The following RELA variants were observed in gnomAD, a reference collection of about 807,000 sequenced individuals.
RELA encodes transcription factor p65.
Under a neutral mutation model 56.7 loss-of-function variants are expected in RELA, and 14 were observed. The ratio of observed to expected loss-of-function variants is 0.25; its 90% CI spans 0.16 to 0.39. The LOEUF (loss-of-function observed/expected upper bound fraction) is 0.39, where lower values mean the gene tolerates loss of function less well. RELA is among the 10% of genes least tolerant of loss of function. The pLI is 1.00. For synonymous variants in RELA, 315 were observed against 289.7 expected (o/e 1.09, Z -0.89); for missense variants, 559 against 736.4 (o/e 0.76, Z 2.79).
intron 4 of RELA, chr11:65,660,479 C>T: frequency 1.9e-6 from 1 of 525,606 alleles, no homozygotes; most frequent in Non-Finnish European, 3.4e-6. Context: ...AAACACAGGA[C>T]ACTCATTCCC....
intron 4 of RELA, 33 bp from the exon 5 acceptor site, chr11:65,660,248 C>G (rs1337550895): frequency 1.9e-6 from 3 of 1,604,822 alleles, no homozygotes; most frequent in South Asian, 1.1e-5. Flanking sequence ...CCCACTGTCT[C>G]TCACAGAGCC....
chr11:65,663,040 C>T, upstream of RELA: 1 of 280,610 alleles, frequency 3.6e-6, no homozygotes, highest in Non-Finnish European at 6.5e-6. Context: ...AGAGGCTGCA[C>T]GCACAGCCGC....
intron 8 of RELA, 42 bp from the exon 9 acceptor site, chr11:65,655,977 G>A: frequency 6.4e-7 from 1 of 1,564,094 alleles, no homozygotes; most frequent in Non-Finnish European, 8.8e-7. Context: ...CTCTCCTCAG[G>A]TGGGTCCCCG....
At chr11:65,662,139 C>T (rs1329386288) in intron 2 of RELA, 40 bp downstream of exon 2, 1 of 1,596,208 alleles carries the variant, frequency 6.3e-7, no homozygotes, top group Non-Finnish European at 8.5e-7. Context: ...ACTGCCCTAC[C>T]CCAGGGAGCA....
chr11:65,663,449 G>A (rs1309779652), upstream of RELA, among the ~76,000 whole-genome samples: 1 of 152,106 alleles, frequency 6.6e-6, no homozygotes, highest in Non-Finnish European at 1.5e-5. Context: ...GGGAATGGGA[G>A]CGGCCGGACC....
At chr11:65,657,503 C>T (rs1190153986) in intron 8 of RELA, among the ~76,000 whole-genome samples, 1 of 152,206 alleles carries the variant, frequency 6.6e-6, no homozygotes, top group Admixed American at 6.5e-5. Context: ...TAACCAGGCC[C>T]TCCAATCTCT....
intron 6 of RELA, among the ~76,000 whole-genome samples, chr11:65,659,195 C>G (rs950733103): frequency 6.6e-6 from 1 of 152,210 alleles, no homozygotes; most frequent in African/African-American, 2.4e-5. Flanking sequence ...TCCTGACCCC[C>G]AGTTTATCCT....
intron 4 of RELA, chr11:65,660,655 T>C: frequency 5.4e-6 from 1 of 183,492 alleles, no homozygotes; most frequent in Non-Finnish European, 1.1e-5. Flanking sequence ...GTTATCCTTC[T>C]ATCCTATGAC....
Position 65,654,398 on chromosome 11 carries a change from G to T in RELA, c.1636C>A (p.Leu546Met), listed in dbSNP as rs372036028. 6.2e-7 allele frequency: 1 copy of T among 1,612,910 alleles called. No individual in the cohort carries two copies. The highest frequency in any genetic ancestry group is 8.5e-7 in the Non-Finnish European group (1 of 1,179,592). Reference sequence around the variant, plus strand: ...CCCCCTTAGGAGCTGATCTGACTCAGCAGGGCTGAGAAGTCCATGTCCGCA... The same window carrying T: ...CCCCCTTAGGAGCTGATCTGACTCATCAGGGCTGAGAAGTCCATGTCCGCA... ...SIADMDFSALLSQISS is the reference protein window; with the variant it reads ...SIADMDFSALMSQISS The change falls in exon 11 of 11, where the codon CTG (leucine) becomes ATG (methionine). Residue 546 changes from leucine to methionine, a missense_variant. Physicochemically the swap from Leu to Met is conservative, Grantham distance 15. Coordinates refer to ENST00000406246, the MANE Select transcript of RELA (RefSeq NM_021975.4).
At chr11:65,655,118 G>GCCAACAC in intron 10 of RELA, 118 bp from the exon 11 acceptor site, 1 of 802,356 alleles carries the variant, frequency 1.2e-6, no homozygotes, top group Non-Finnish European at 2.1e-6. Flanking sequence ...GGGAGTCACT[G>GCCAACAC]CCAACACCCT....
At chr11:65,656,648 CG>C (rs1183023597) in intron 8 of RELA, among the ~76,000 whole-genome samples, 1 of 152,184 alleles carries the variant, frequency 6.6e-6, no homozygotes, top group Non-Finnish European at 1.5e-5. Flanking sequence ...GGGATGTGGC[CG>C]TGAGTATGCA....
rs1436135861 is a variant in RELA at position 65,654,156 on chromosome 11, C to T, written c.*222G>A. On this transcript the variant is annotated 3_prime_UTR_variant, in exon 11 of 11. Coordinates refer to ENST00000406246, the MANE Select transcript of RELA (RefSeq NM_021975.4). ...GGGAAAAGTTTGAGTTTCCCCAGCT[C>T]CCCCCTTTCCAGAGAAGTTAATGCT... The T allele has an allele frequency of 4.6e-6, 3 of 646,966 alleles. No individual in the cohort carries two copies. The East Asian group carries it at 9.0e-5, about 19-fold the overall frequency. The allele number at this position is 646,966 out of a possible 1,614,324, so 40.1% of individuals were successfully genotyped here. A position where few individuals can be genotyped will look rare whatever the true frequency, so the allele number is the denominator to read the frequency against.
At chr11:65,661,584 G>A (rs992997908) in intron 4 of RELA, 103 bp downstream of exon 4, 2 of 1,120,700 alleles carry the variant, frequency 1.8e-6, no homozygotes. Flanking sequence ...CAAGGAGTGA[G>A]GAATTCTGCC....
At chr11:65,663,309 T>TAG (rs1258243660), upstream of RELA, among the ~76,000 whole-genome samples, 2 of 152,198 alleles carry the variant, frequency 1.3e-5, no homozygotes, top group Non-Finnish European at 2.9e-5. Flanking sequence ...CGACCGGGCC[T>TAG]TCTGCTCCGC....
chr11:65,654,367 G>A lies in RELA; in HGVS notation c.*11C>T, dbSNP rs1856360677. 25 of 1,613,824 alleles carry A rather than the reference G, an allele frequency of 1.5e-5. No homozygotes were observed. Among genetic ancestry groups the A allele is most frequent in the Non-Finnish European group, 2.0e-5 (24 of 1,179,948 alleles). On this transcript the variant is annotated 3_prime_UTR_variant, in exon 11 of 11. Coordinates refer to ENST00000406246, the MANE Select transcript of RELA (RefSeq NM_021975.4). The stretch of plus-strand genomic sequence containing the variant: ...CAACCCAGTGCTCTGGGGAGGGCAG[G>A]CGTCACCCCCTTAGGAGCTGATCTG...
chr11:65,654,797 G>A lies in RELA; in HGVS notation c.1237C>T (p.Leu413=). The change falls in exon 11 of 11, where the codon CTA becomes TTA. Residue 413 remains leucine, a synonymous_variant. Coordinates refer to ENST00000406246, the MANE Select transcript of RELA (RefSeq NM_021975.4). ...ACAGCCTGAGGAGGGCCTGGGGCTA[G>A]GACTGGGACAGGGGCTGGGGCCTGG... ...LAQAPAPVPV[L]APGPPQAVAP... is the part of the protein sequence containing the mutation. 6.6e-7 allele frequency: 1 copy of A among 1,525,234 alleles called. No homozygotes were observed. Among genetic ancestry groups the A allele is most frequent in the Non-Finnish European group, 8.8e-7 (1 of 1,133,974 alleles). The allele number at this position is 1,525,234 out of a possible 1,614,324, so 94.5% of individuals were successfully genotyped here. A position where few individuals can be genotyped will look rare whatever the true frequency, so the allele number is the denominator to read the frequency against.
In RELA at chr11:65,662,818, G is replaced by C. The variant is rs1856608613; in HGVS notation, c.7+8C>G. ...ATGCCACCCCGCGGGGTCAGAGGGC[G>C]ACCTCACCGTCCATGGCCGGGGTCC... On this transcript the variant is annotated splice_region_variant and intron_variant, in intron 1 of 10. Transcript: ENST00000406246. 1 of 1,200,244 alleles carries C rather than the reference G, an allele frequency of 8.3e-7. No homozygotes were observed. The highest frequency in any genetic ancestry group is 4.4e-5 in the Admixed American group (1 of 22,524). The allele number at this position is 1,200,244 out of a possible 1,614,324, so 74.3% of individuals were successfully genotyped here. A position where few individuals can be genotyped will look rare whatever the true frequency, so the allele number is the denominator to read the frequency against.
At chr11:65,662,300 T>G in intron 1 of RELA, 95 bp from the exon 2 acceptor site, 2 of 1,396,082 alleles carry the variant, frequency 1.4e-6, no homozygotes, top group South Asian at 3.2e-5. Flanking sequence ...CCAGGCTCCC[T>G]CCCAGGGGAA....
Position 65,654,081 on chromosome 11 carries a change from T to G in RELA, c.*297A>C. On this transcript the variant is annotated 3_prime_UTR_variant, in exon 11 of 11. Coordinates refer to ENST00000406246, the MANE Select transcript of RELA (RefSeq NM_021975.4). ...AGTACCAGAAGCTGGAGGATGGGGATGGGGGACCCCAGAGTTCCCTACAGA... is the reference window on the plus strand; with the variant it reads ...AGTACCAGAAGCTGGAGGATGGGGAGGGGGGACCCCAGAGTTCCCTACAGA... 2.2e-6 allele frequency: 1 copy of G among 448,056 alleles called. No homozygotes were observed. The highest frequency in any genetic ancestry group is 2.1e-5 in the South Asian group (1 of 47,862). 27.8% of individuals were successfully genotyped at this position (448,056 alleles called of 1,614,324 possible).
Sources: allele counts gnomAD v4.1 joint callset (sites outside exome capture counted in the v4.1 genomes callset), GRCh38; gene constraint gnomAD v4.1.1; transcripts MANE v1.5; gene names NCBI Gene and HGNC (gene_info 2026-07-23, HGNC 2026-07-21).